The following CASTOR2 variants were observed in gnomAD, a reference collection of about 807,000 sequenced individuals.
The protein encoded by CASTOR2 is GATS protein like 2.
In CASTOR2, 8 loss-of-function variants were observed where a neutral mutation model predicts 31.2. The ratio of observed to expected loss-of-function variants is 0.26; its 90% CI spans 0.15 to 0.46. CASTOR2 has a LOEUF of 0.46. CASTOR2 is among the 20% of genes least tolerant of loss of function. The probability of loss-of-function intolerance (pLI) is 0.99; values close to 1 mark genes in which losing one functional copy is unlikely to be tolerated. For missense variants in CASTOR2, 216 were observed against 382.1 expected, an observed-to-expected ratio of 0.57 and a Z score of 3.62; for synonymous variants, 162 against 158.7, an observed-to-expected ratio of 1.02 and a Z score of -0.16.
intron 1 of CASTOR2, among the ~76,000 whole-genome samples, chr7:74,974,305 C>G (rs1207153609): frequency 2.7e-5 from 4 of 148,766 alleles, no homozygotes; most frequent in African/African-American, 9.9e-5. Flanking sequence ...CTGAGAAACC[C>G]CGCAGTGTAT....
intron 1 of CASTOR2, among the ~76,000 whole-genome samples, chr7:74,990,724 G>A (rs1363565339): frequency 2.6e-5 from 4 of 152,110 alleles, no homozygotes; most frequent in Admixed American, 6.6e-5. Context: ...GTGTGGTGGT[G>A]GGTGCTTGTA....
At chr7:75,001,402 A>G (rs1480253131) in intron 1 of CASTOR2, among the ~76,000 whole-genome samples, 2 of 152,104 alleles carry the variant, frequency 1.3e-5, no homozygotes, top group Admixed American at 1.3e-4. Context: ...TTTTAACAGC[A>G]CTTAGCACCC....
At chr7:74,977,640 C>T (rs1175358777) in intron 1 of CASTOR2, among the ~76,000 whole-genome samples, 2 of 149,814 alleles carry the variant, frequency 1.3e-5, no homozygotes, top group Admixed American at 6.7e-5. Flanking sequence ...CTCAGCTTCC[C>T]GAAGTGCTAG....
At chr7:74,990,332 G>T (rs1804176388) in intron 1 of CASTOR2, among the ~76,000 whole-genome samples, 1 of 150,508 alleles carries the variant, frequency 6.6e-6, no homozygotes, top group African/African-American at 2.4e-5. Context: ...AGCTTGCAGT[G>T]AGCCGAGATT....
intron 6 of CASTOR2, 145 bp from the exon 7 acceptor site, chr7:75,021,729 G>C (rs1805009672): frequency 1.0e-6 from 1 of 961,242 alleles, no homozygotes; most frequent in Non-Finnish European, 1.6e-6. Context: ...AGGGTGTCTG[G>C]AAGGGATTGT....
At chr7:75,012,238 G>A (rs1250531015) in intron 2 of CASTOR2, among the ~76,000 whole-genome samples, 1 of 152,150 alleles carries the variant, frequency 6.6e-6, no homozygotes, top group African/African-American at 2.4e-5. Flanking sequence ...GCTGCAGTAT[G>A]AGGCTAGGAG....
Position 75,020,082 on chromosome 7 carries a change from C to G in CASTOR2, c.679C>G (p.Arg227Gly). Residue 227 changes from arginine (R) to glycine (G), a missense_variant, in exon 6 of 9, where the codon CGC (arginine) becomes GGC (glycine). Arg to Gly is a moderately radical substitution (Grantham distance 125). Transcript: ENST00000616305. ...CACTGGGGATGACTGCGGCCACATC[C>G]GCTTCTTCTCCTTCTCCCTCATCGA... The part of the protein sequence containing the change: ...MATGDDCGHI[R>G]FFSFSLIEGY... 6.4e-7 allele frequency: 1 copy of G among 1,551,486 alleles called. No homozygotes were observed. Among genetic ancestry groups the G allele is most frequent in the Admixed American group, 2.0e-5 (1 of 51,000 alleles).
At chr7:74,983,866 C>T (rs1301923755) in intron 1 of CASTOR2, among the ~76,000 whole-genome samples, 1 of 151,408 alleles carries the variant, frequency 6.6e-6, no homozygotes, top group Admixed American at 6.6e-5. Flanking sequence ...TAGCTCACTG[C>T]AGCTCCTGGA....
intron 1 of CASTOR2, among the ~76,000 whole-genome samples, chr7:74,990,408 C>A (rs1276540485): frequency 2.7e-5 from 4 of 149,876 alleles, no homozygotes; most frequent in African/African-American, 4.9e-5. Context: ...AAACAAAAAA[C>A]AACAACAACA....
intron 1 of CASTOR2, among the ~76,000 whole-genome samples, chr7:75,005,691 C>T (rs1455789890): frequency 6.6e-6 from 1 of 152,190 alleles, no homozygotes; most frequent in Non-Finnish European, 1.5e-5. Context: ...GTGTGCTGAA[C>T]TTTATAAGAA....
In CASTOR2 at chr7:75,025,252, C is replaced by CA. The variant is rs1454732427; in HGVS notation, c.*554dup. The stretch of plus-strand genomic sequence containing the variant: ...TCAGGTCATCGGGGCTGGTGAGGCT[C>CA]AGACAGGAACCCAGGTGGGATCCCC... On this transcript the variant is annotated 3_prime_UTR_variant, in exon 9 of 9. Transcript: ENST00000616305. 6.6e-6 allele frequency among the ~76,000 whole-genome samples: 1 copy of CA among 152,214 alleles called. No individual in the cohort carries two copies. Among genetic ancestry groups the CA allele is most frequent in the African/African-American group, 2.4e-5 (1 of 41,464 alleles).
At chr7:74,981,188 TTTTC>T (rs1260053096) in intron 1 of CASTOR2, among the ~76,000 whole-genome samples, 1 of 25,672 alleles carries the variant, frequency 3.9e-5, no homozygotes, top group African/African-American at 3.4e-4. Context: ...CTTGTCCTCT[TTTTC>T]TTTTTTTTTG....
chr7:74,991,040 C>T (rs1278757594), intron 1 of CASTOR2, among the ~76,000 whole-genome samples: 1 of 150,284 alleles, frequency 6.7e-6, no homozygotes, highest in Admixed American at 6.7e-5. Flanking sequence ...TGCCATTGCA[C>T]TCCAGCCTGG....
In CASTOR2 at chr7:75,030,391, C is replaced by G. The variant is rs1805268589; in HGVS notation, c.*5692C>G. On this transcript the variant is annotated 3_prime_UTR_variant, in exon 9 of 9. Coordinates refer to ENST00000616305, the MANE Select transcript of CASTOR2 (RefSeq NM_001145064.3). Reference sequence around the variant, plus strand: ...AATGATTAGGTGAGTGAGGGCAGGACTCGAATGCAGACCCTGGCTCCAGGG... The same window carrying G: ...AATGATTAGGTGAGTGAGGGCAGGAGTCGAATGCAGACCCTGGCTCCAGGG... Among the ~76,000 whole-genome samples, 2 of 152,262 alleles carry G rather than the reference C, an allele frequency of 1.3e-5. No homozygotes were observed. The highest frequency in any genetic ancestry group is 2.9e-5 in the Non-Finnish European group (2 of 68,034).
chr7:75,024,789 A>G lies in CASTOR2; in HGVS notation c.*90A>G. On this transcript the variant is annotated 3_prime_UTR_variant, in exon 9 of 9. Coordinates refer to ENST00000616305, the MANE Select transcript of CASTOR2 (RefSeq NM_001145064.3). ...GCAGTATTTCTCTACAGACTGGAAA[A>G]TCAGCCTGGGGACCCTGAGGAAGGG... is the stretch of plus-strand genomic sequence containing the variant. The G allele has an allele frequency of 6.4e-7, 1 of 1,550,572 alleles. No individual in the cohort carries two copies. The highest frequency in any genetic ancestry group is 2.4e-5 in the East Asian group (1 of 40,884).
chr7:75,004,407 C>T (rs1396751943), intron 1 of CASTOR2, among the ~76,000 whole-genome samples: 1 of 151,588 alleles, frequency 6.6e-6, no homozygotes, highest in African/African-American at 2.4e-5. Flanking sequence ...CCTTACGCCC[C>T]TCCCAGGGGG....
chr7:75,003,585 C>T (rs1231502560), intron 1 of CASTOR2, among the ~76,000 whole-genome samples: 2 of 151,946 alleles, frequency 1.3e-5, no homozygotes, highest in African/African-American at 4.8e-5. Flanking sequence ...CCTGTCTCTA[C>T]TAAAAATACA....
chr7:74,994,915 G>A (rs1175069854), intron 1 of CASTOR2, among the ~76,000 whole-genome samples: 4 of 152,290 alleles, frequency 2.6e-5, no homozygotes, highest in African/African-American at 4.8e-5. Context: ...AGCTGCCTAC[G>A]CTGGGGAGGA....
chr7:74,993,205 GAAAA>G (rs1804253682), intron 1 of CASTOR2, among the ~76,000 whole-genome samples: 1 of 151,866 alleles, frequency 6.6e-6, no homozygotes. Flanking sequence ...CTCAAAAAGA[GAAAA>G]AGAAAAAGGA....
Sources: allele counts gnomAD v4.1 joint callset (sites outside exome capture counted in the v4.1 genomes callset), GRCh38; gene constraint gnomAD v4.1.1; transcripts MANE v1.5; gene names NCBI Gene and HGNC (gene_info 2026-07-23, HGNC 2026-07-21).